SREBF1: variants seen among roughly 807,000 people sequenced by gnomAD.
SREBF1 encodes sterol regulatory element-binding protein 1.
A neutral mutation model predicts 100.1 loss-of-function variants in SREBF1; 45 were observed. The ratio of observed to expected loss-of-function variants is 0.45; its 90% CI spans 0.35 to 0.58. SREBF1 has a LOEUF of 0.58. SREBF1 is among the 20% of genes least tolerant of loss of function. The pLI is 0.00. For synonymous variants in SREBF1, 657 were observed against 681.8 expected (o/e 0.96, Z 0.57); for missense variants, 1,324 against 1,539.4 (o/e 0.86, Z 2.34).
rs2033038533 is a variant in SREBF1 at position 17,812,781 on chromosome 17, G to C, written c.3285C>G (p.Cys1095Trp). The change falls in exon 19 of 19, where the codon TGC becomes TGG. Residue 1095 changes from cysteine (C) to tryptophan (W), a missense_variant. Coordinates refer to ENST00000261646, the MANE Select transcript of SREBF1 (RefSeq NM_004176.5). ...EHAEALLLAS[C>W]YLPPGFLSAP... ...CCGACAGGAAGCCGGGGGGCAGGTA[G>C]CAGGAGGCCAGCAGCAAGGCCTCCG... The C allele has an allele frequency of 6.5e-7, 1 of 1,527,596 alleles. No individual in the cohort carries two copies. Among genetic ancestry groups the C allele is most frequent in the Non-Finnish European group, 8.8e-7 (1 of 1,137,908 alleles). 94.6% of individuals were successfully genotyped at this position (1,527,596 alleles called of 1,614,324 possible).
intron 1 of SREBF1, 87 bp from the exon 2 acceptor site, chr17:17,820,608 G>A: frequency 7.1e-7 from 1 of 1,416,492 alleles, no homozygotes; most frequent in Non-Finnish European, 9.8e-7. Flanking sequence ...AACCTTATTT[G>A]CACAACCCTT....
In SREBF1 at chr17:17,835,732, C is replaced by T. The variant is rs191478871; in HGVS notation, c.91+995G>A. 1.2e-3 allele frequency among the ~76,000 whole-genome samples: 183 copies of T among 152,366 alleles called. 1 individual carries two copies. Among genetic ancestry groups the T allele is most frequent in the South Asian group, 2.1e-3 (10 of 4,832 alleles). Reference sequence around the variant, plus strand: ...TGGAAGCAACGGGCCTCCTAATTGGCACTTGGTGCCACCATTGGCCCCAAA... The same window carrying T: ...TGGAAGCAACGGGCCTCCTAATTGGTACTTGGTGCCACCATTGGCCCCAAA... On this transcript the variant is annotated intron_variant, in intron 1 of 18. Transcript: ENST00000261646.
chr17:17,823,563 G>A lies in SREBF1; in HGVS notation c.92-3042C>T. ...GCTCCGCGATCTGCGCCCGCCCTTG[G>A]GGCGTCCAGGCCGTTGGCCCTACCC... On this transcript the variant is annotated intron_variant, in intron 1 of 18. Coordinates refer to ENST00000261646, the MANE Select transcript of SREBF1 (RefSeq NM_004176.5). The A allele has an allele frequency of 1.9e-6, 3 of 1,613,470 alleles. No individual in the cohort carries two copies. The East Asian group carries it at 6.7e-5, about 36-fold the overall frequency.
At chr17:17,814,149 C>T (rs1407783758) in intron 16 of SREBF1, 96 bp downstream of exon 16, 7 of 1,402,864 alleles carry the variant, frequency 5.0e-6, no homozygotes, top group Admixed American at 2.0e-5. Flanking sequence ...GGGCTAACCC[C>T]ATGGTCTTCT....
At chr17:17,818,783 T>C (rs964129059) in intron 5 of SREBF1, 1 of 609,690 alleles carries the variant, frequency 1.6e-6, no homozygotes, top group East Asian at 2.8e-5. Flanking sequence ...ACAATTTTTG[T>C]CTGTCTTGTT....
chr17:17,814,135 G>T, intron 16 of SREBF1, 110 bp downstream of exon 16: 2 of 1,287,900 alleles, frequency 1.6e-6, no homozygotes, highest in Non-Finnish European at 2.2e-6. Flanking sequence ...ATCCTGTGCT[G>T]CTTGGGCTAA....
intron 2 of SREBF1, 127 bp from the exon 3 acceptor site, chr17:17,819,852 C>G: frequency 7.5e-7 from 1 of 1,328,256 alleles, no homozygotes; most frequent in Non-Finnish European, 1.0e-6. Context: ...TATGGACAGT[C>G]CCTGCCTGGG....
rs746334705 is a variant in SREBF1 at position 17,817,866 on chromosome 17, C to A, written c.1234G>T (p.Val412Leu). ...TCAGTCTTCACGCCCTCCATGAGCA[C>A]GTCTGTGTTCCCTCCACTGCCACAG... Reference protein sequence around the residue: ...SACGSGGNTDVLMEGVKTEVE... With the variant: ...SACGSGGNTDLLMEGVKTEVE... The change falls in exon 7 of 19, where the codon GTG (valine) becomes TTG (leucine). Residue 412 changes from valine to leucine, a missense_variant. Val to Leu is a conservative substitution (Grantham distance 32). Transcript: ENST00000261646. The surrounding 1 kb of genome is among the most constrained non-coding windows in gnomAD (Gnocchi z 6.6). The A allele has an allele frequency of 1.9e-6, 3 of 1,605,014 alleles. No individual in the cohort carries two copies. In the Admixed American group the frequency reaches 5.0e-5, roughly 27 times the overall value.
At chr17:17,828,454 C>T (rs929227735) in intron 1 of SREBF1, among the ~76,000 whole-genome samples, 1 of 152,216 alleles carries the variant, frequency 6.6e-6, no homozygotes, top group Non-Finnish European at 1.5e-5. Context: ...GCAGCACCTG[C>T]GAGATGGCAA....
At position 17,819,531 on chromosome 17, in the gene SREBF1, C is replaced by G. The variant is rs779364056; in HGVS notation, c.711+7G>C. On this transcript the variant is annotated splice_region_variant and intron_variant, in intron 3 of 18. Coordinates refer to ENST00000261646, the MANE Select transcript of SREBF1 (RefSeq NM_004176.5). ...CCCCTCCCCAACCCCTGGCCAGACC[C>G]CCTCACCGGGACCTGCTGGATCTGC... The G allele has an allele frequency of 1.9e-6, 3 of 1,613,506 alleles. No homozygotes were observed. Among genetic ancestry groups the G allele is most frequent in the African/African-American group, 2.7e-5 (2 of 74,918 alleles).
intron 1 of SREBF1, among the ~76,000 whole-genome samples, chr17:17,836,248 A>G (rs960748870): frequency 6.6e-6 from 1 of 152,260 alleles, no homozygotes; most frequent in African/African-American, 2.4e-5. Context: ...AGGCGGGGGA[A>G]GGGCGCGAGG....
chr17:17,817,414 AGCATGCCCCGGCTGTGCAGAGACGGCC>A lies in SREBF1; in HGVS notation c.1421_1447del (p.Arg474_Met482del). 6.3e-7 allele frequency: 1 copy of A among 1,598,320 alleles called. No homozygotes were observed. Among genetic ancestry groups the A allele is most frequent in the Non-Finnish European group, 8.5e-7 (1 of 1,172,560 alleles). ...GCACAGGGCCAGGCGGGAGCGGTCC[AGCATGCCCCGGCTGTGCAGAGACGGCC>A]GCTGCTCTGGCTTTGCCTGGTGGGG... is the stretch of plus-strand genomic sequence containing the variant. On this transcript the variant is annotated inframe_deletion, in exon 8 of 19. Coordinates refer to ENST00000261646, the MANE Select transcript of SREBF1 (RefSeq NM_004176.5). This position sits in a 1 kb window ranked among gnomAD's most constrained non-coding sequence, Gnocchi z 6.6.
intron 1 of SREBF1, among the ~76,000 whole-genome samples, chr17:17,825,700 C>T (rs528731436): frequency 1.8e-4 from 27 of 151,444 alleles, no homozygotes; most frequent in African/African-American, 6.3e-4. Context: ...CTCTACCTCC[C>T]GGGTTCAAGT....
chr17:17,828,191 G>A (rs542734853), intron 1 of SREBF1, among the ~76,000 whole-genome samples: 2 of 152,260 alleles, frequency 1.3e-5, no homozygotes, highest in South Asian at 2.1e-4. Flanking sequence ...CCCTTTCCCT[G>A]CCTGCTTTCT....
chr17:17,833,782 C>T (rs1320680739), intron 1 of SREBF1, among the ~76,000 whole-genome samples: 1 of 151,890 alleles, frequency 6.6e-6, no homozygotes, highest in East Asian at 1.9e-4. Context: ...CTCAGGAGTT[C>T]GAGACCAGCC....
Position 17,813,895 on chromosome 17 carries a change from G to A in SREBF1, c.2902-126C>T, listed in dbSNP as rs541938568. ...GAGGCACTGCACCCGCCTCACACAC[G>A]TGCAATGCAACAGCAATGCACCGCG... On this transcript the variant is annotated intron_variant, in intron 16 of 18. Coordinates refer to ENST00000261646, the MANE Select transcript of SREBF1 (RefSeq NM_004176.5). 8.0e-5 allele frequency: 81 copies of A among 1,015,412 alleles called. 1 individual carries two copies. The highest frequency in any genetic ancestry group is 7.3e-4 in the South Asian group (50 of 68,826). The allele number at this position is 1,015,412 out of a possible 1,614,324, so 62.9% of individuals were successfully genotyped here. A position where few individuals can be genotyped will look rare whatever the true frequency, so the allele number is the denominator to read the frequency against.
Position 17,817,355 on chromosome 17 carries a change from A to G in SREBF1, c.1507T>C (p.Leu503=), listed in dbSNP as rs1390508275. 6.2e-7 allele frequency: 1 copy of G among 1,607,802 alleles called. No individual in the cohort carries two copies. The highest frequency in any genetic ancestry group is 1.3e-5 in the African/African-American group (1 of 74,970). ...CCCCGGGCCCCCAGCAAGGAGGCCA[A>G]GGGGTTGCAGGACAGGCAGAGGAAG... is the stretch of plus-strand genomic sequence containing the variant. ...LVFLCLSCNP[L]ASLLGARGLP... Residue 503 remains leucine (L), a synonymous_variant, in exon 8 of 19, where the codon TTG becomes CTG. Coordinates refer to ENST00000261646, the MANE Select transcript of SREBF1 (RefSeq NM_004176.5). This position sits in a 1 kb window ranked among gnomAD's most constrained non-coding sequence, Gnocchi z 6.6.
In SREBF1 at chr17:17,836,861, C is replaced by G; in HGVS notation, c.-44G>C. 6.7e-7 allele frequency: 1 copy of G among 1,503,014 alleles called. No individual in the cohort carries two copies. The highest frequency in any genetic ancestry group is 8.9e-7 in the Non-Finnish European group (1 of 1,129,690). The allele number at this position is 1,503,014 out of a possible 1,614,324, so 93.1% of individuals were successfully genotyped here. On this transcript the variant is annotated 5_prime_UTR_variant, in exon 1 of 19. Transcript: ENST00000261646. ...GGGAGGCCCGCCGGGCCCGCCGCCT[C>G]GTACGGCCCTTCCTAGGGAGCGCCG...
intron 1 of SREBF1, among the ~76,000 whole-genome samples, chr17:17,829,219 T>C (rs757175002): frequency 2.5e-5 from 3 of 121,774 alleles, no homozygotes; most frequent in East Asian, 2.0e-4. Flanking sequence ...TATATATATA[T>C]ATATATATAT....
Sources: gnomAD v4.1 joint callset for allele counts (sites outside exome capture counted in the v4.1 genomes callset) on GRCh38, gnomAD v4.1.1 for gene constraint, Gnocchi (gnomAD v3.1) non-coding constraint, MANE v1.5 for transcripts, NCBI Gene and HGNC (gene_info 2026-07-23, HGNC 2026-07-21) for gene names.